Variants in MAP3K5 observed in about 807,000 individuals in gnomAD.
MAP3K5 encodes the protein ASK-1.
In MAP3K5, 56 loss-of-function variants were observed where a neutral mutation model predicts 158.7. The ratio of observed to expected loss-of-function variants is 0.35; its 90% CI spans 0.28 to 0.44. MAP3K5 has a LOEUF of 0.44. Ranked by LOEUF, MAP3K5 falls within the 20% of genes least tolerant of loss-of-function variation. The pLI is 1.00. For synonymous variants in MAP3K5, 579 were observed against 601.7 expected (o/e 0.96, Z 0.55); for missense variants, 1,294 against 1,674.8 (o/e 0.77, Z 3.97).
rs772867146 is a variant in MAP3K5, at chr6:136,605,202, G to A, written c.2679+7C>T. On this transcript the variant is annotated splice_region_variant and intron_variant, in intron 19 of 29. Transcript: ENST00000359015. ...TCCATTTGTTTTTAAGAGAAATGAA[G>A]TGTGACCTTGAACATAGCTGCTTGT... 2.5e-6 allele frequency: 4 copies of A among 1,611,126 alleles called. No homozygotes were observed. The highest frequency in any genetic ancestry group is 3.4e-6 in the Non-Finnish European group (4 of 1,179,218).
chr6:136,749,369 T>C (rs1433456966), intron 1 of MAP3K5, among the ~76,000 whole-genome samples: 1 of 143,368 alleles, frequency 7.0e-6, no homozygotes, highest in South Asian at 2.2e-4. Context: ...CGAAACTCTG[T>C]ATCAAAAAAA....
chr6:136,563,030 A>G (rs2327742), intron 26 of MAP3K5, among the ~76,000 whole-genome samples: 32,081 of 151,658 alleles, frequency 0.21, 4,008 homozygotes, highest in East Asian at 0.42. Context: ...ATACACCCCT[A>G]ATTTTATTGA....
chr6:136,779,967 T>C (rs1784550921), intron 1 of MAP3K5, among the ~76,000 whole-genome samples: 3 of 152,232 alleles, frequency 2.0e-5, no homozygotes, highest in Non-Finnish European at 4.4e-5. Flanking sequence ...CAACAGGTCC[T>C]TTAAGTCAGG....
intron 6 of MAP3K5, among the ~76,000 whole-genome samples, chr6:136,695,423 G>C (rs1437284120): frequency 1.3e-5 from 2 of 152,164 alleles, no homozygotes; most frequent in African/African-American, 4.8e-5. Context: ...GCAGGAGTGA[G>C]CCACCACGCC....
intron 25 of MAP3K5, among the ~76,000 whole-genome samples, chr6:136,570,614 C>T (rs57146793): frequency 0.039 from 5,881 of 152,224 alleles, 270 homozygotes; most frequent in African/African-American, 0.11. Flanking sequence ...ATAGACCTGG[C>T]TTTCTTTATC....
chr6:136,668,189 G>A (rs901090814), intron 8 of MAP3K5, among the ~76,000 whole-genome samples: 1 of 152,072 alleles, frequency 6.6e-6, no homozygotes, highest in South Asian at 2.1e-4. Flanking sequence ...AGACCAGCCT[G>A]GGCAACATAG....
chr6:136,790,290 A>G (rs1035334117), intron 1 of MAP3K5, among the ~76,000 whole-genome samples: 1 of 152,130 alleles, frequency 6.6e-6, no homozygotes, highest in East Asian at 1.9e-4. Context: ...GAGCCCTAGG[A>G]AAAAAACGCC....
chr6:136,563,957 G>T (rs1472585740), intron 26 of MAP3K5, among the ~76,000 whole-genome samples: 1 of 152,148 alleles, frequency 6.6e-6, no homozygotes, highest in Non-Finnish European at 1.5e-5. Flanking sequence ...TCGTGCAACT[G>T]ACAGATCTGG....
chr6:136,757,470 G>A (rs753478218), intron 1 of MAP3K5, among the ~76,000 whole-genome samples: 58 of 151,742 alleles, frequency 3.8e-4, no homozygotes, highest in Non-Finnish European at 7.5e-4. Context: ...TGTAAATAAT[G>A]TTCATAATAA....
intron 28 of MAP3K5, among the ~76,000 whole-genome samples, chr6:136,560,153 T>C (rs2129067614): frequency 6.6e-6 from 1 of 152,324 alleles, no homozygotes; most frequent in South Asian, 2.1e-4. Flanking sequence ...GTTCATATAA[T>C]GAACATAAAC....
chr6:136,623,682 C>A (rs1313110373), intron 14 of MAP3K5, among the ~76,000 whole-genome samples: 16 of 152,272 alleles, frequency 1.1e-4, no homozygotes, highest in African/African-American at 3.1e-4. Context: ...GGAGGCATCA[C>A]CCCAAAGCCA....
Position 136,613,896 on chromosome 6 carries a change from A to G in MAP3K5, c.2278+263T>C, listed in dbSNP as rs1372152068. 6.6e-6 allele frequency among the ~76,000 whole-genome samples: 1 copy of G among 152,188 alleles called. No homozygotes were observed. Among genetic ancestry groups the G allele is most frequent in the East Asian group, 1.9e-4 (1 of 5,206 alleles). ...AACATGAACTTCCTCACTTTGGAAC[A>G]CTGGCCCATTCTTTTGGAGTCTGTG... is the stretch of plus-strand genomic sequence containing the variant. On this transcript the variant is annotated intron_variant, in intron 16 of 29. Transcript: ENST00000359015. The surrounding 1 kb of genome is among the most constrained non-coding windows in gnomAD (Gnocchi z 4.0).
chr6:136,688,656 A>G (rs545612827), intron 7 of MAP3K5, among the ~76,000 whole-genome samples: 3 of 152,298 alleles, frequency 2.0e-5, no homozygotes, highest in African/African-American at 4.8e-5. Context: ...AAACAAAACC[A>G]GAAAAAACTC....
intron 10 of MAP3K5, among the ~76,000 whole-genome samples, chr6:136,655,104 T>C (rs1043846651): frequency 9.9e-5 from 15 of 152,254 alleles, no homozygotes; most frequent in Non-Finnish European, 1.9e-4. Flanking sequence ...CTTATATTTA[T>C]AGTATGACAG....
intron 4 of MAP3K5, 84 bp from the exon 5 acceptor site, chr6:136,697,471 G>A: frequency 9.0e-7 from 1 of 1,110,910 alleles, no homozygotes; most frequent in South Asian, 1.6e-5. Flanking sequence ...AGACATGAAT[G>A]ATATTGCAGC....
Position 136,739,892 on chromosome 6 carries a change from G to C in MAP3K5, c.449-19303C>G, listed in dbSNP as rs555908131. On this transcript the variant is annotated intron_variant, in intron 1 of 29. Coordinates refer to ENST00000359015, the MANE Select transcript of MAP3K5 (RefSeq NM_005923.4). The stretch of plus-strand genomic sequence containing the variant: ...TGTCCTGGTTGGGCCCTAAGCAAGC[G>C]GCAGTTCCTGCACCATTAGCTGTCC... 4.7e-4 allele frequency among the ~76,000 whole-genome samples: 71 copies of C among 152,222 alleles called. 2 individuals are homozygous for C. The South Asian group carries it at 0.014, about 31-fold the overall frequency.
chr6:136,729,439 C>A (rs1368195247), intron 1 of MAP3K5, among the ~76,000 whole-genome samples: 1 of 152,152 alleles, frequency 6.6e-6, no homozygotes, highest in African/African-American at 2.4e-5. Flanking sequence ...GTGTGCTAGG[C>A]ACAGTAAACT....
intron 1 of MAP3K5, among the ~76,000 whole-genome samples, chr6:136,739,225 T>C (rs1782608563): frequency 6.6e-6 from 1 of 152,158 alleles, no homozygotes; most frequent in Admixed American, 6.5e-5. Flanking sequence ...TGACCAGGCA[T>C]TACAAATGGC....
chr6:136,684,230 A>T (rs550075228), intron 7 of MAP3K5, among the ~76,000 whole-genome samples: 86 of 147,286 alleles, frequency 5.8e-4, no homozygotes, highest in African/African-American at 1.4e-3. Context: ...TTTTTTTTTA[A>T]AAAAAAAAGG....
Sources: gnomAD v4.1 joint callset for allele counts (sites outside exome capture counted in the v4.1 genomes callset) on GRCh38, gnomAD v4.1.1 for gene constraint, Gnocchi (gnomAD v3.1) non-coding constraint, MANE v1.5 for transcripts, NCBI Gene and HGNC (gene_info 2026-07-23, HGNC 2026-07-21) for gene names.